The following IRS2 variants were observed in gnomAD, a reference collection of about 807,000 sequenced individuals.
IRS2 encodes the protein insulin receptor substrate 2.
A neutral mutation model predicts 70.9 loss-of-function variants in IRS2; 28 were observed. The ratio of observed to expected loss-of-function variants is 0.39; its 90% CI spans 0.29 to 0.54. IRS2 has a LOEUF of 0.54. Among genes scored for constraint, IRS2 ranks in the 20% least tolerant of loss-of-function variants. IRS2 has a pLI of 0.59. For missense variants in IRS2, 2,081 were observed against 2,024.1 expected, an observed-to-expected ratio of 1.03 and a Z score of -0.54; for synonymous variants, 1,217 against 981.9, an observed-to-expected ratio of 1.24 and a Z score of -4.48.
Position 109,785,604 on chromosome 13 carries a change from G to C in IRS2, c.450C>G (p.Ala150=), listed in dbSNP as rs1877897046. ...GCGCGGCGGCGGGGGGCGCGTCTCC[G>C]GCGGCCGCGCGGCCCTCGCTGACCA... ...TDLVSEGRAA[A]GDAPPAAAPA... is the part of the protein sequence containing the mutation. The change falls in exon 1 of 2, where the codon GCC becomes GCG. Residue 150 remains alanine (A), a synonymous_variant. Coordinates refer to ENST00000375856, the MANE Select transcript of IRS2 (RefSeq NM_003749.3). The surrounding 1 kb of genome is among the most constrained non-coding windows in gnomAD (Gnocchi z 9.3). The C allele has an allele frequency of 1.5e-6, 2 of 1,365,244 alleles. No homozygotes were observed. Among genetic ancestry groups the C allele is most frequent in the Non-Finnish European group, 1.9e-6 (2 of 1,053,998 alleles). 84.6% of individuals were successfully genotyped at this position (1,365,244 alleles called of 1,614,324 possible).
intron 1 of IRS2, among the ~76,000 whole-genome samples, chr13:109,762,498 G>A (rs1254627075): frequency 1.3e-5 from 2 of 152,186 alleles, no homozygotes; most frequent in Non-Finnish European, 2.9e-5. Context: ...GGGTGGGACA[G>A]GGCAGGAGCA....
chr13:109,782,670 G>T lies in IRS2; in HGVS notation c.3384C>A (p.Asp1128Glu), dbSNP rs780638362. Residue 1128 changes from aspartate (D) to glutamate (E), a missense_variant, in exon 1 of 2, where the codon GAC (aspartate) becomes GAA (glutamate). This residue lies in a region of IRS2 where 1,615 missense variants were observed against 1,459.5 expected (regional missense o/e 1.11). Transcript: ENST00000375856. The stretch of plus-strand genomic sequence containing the variant: ...GGATGACCTTGGCGCCGCGGTGGGG[G>T]TCCGGGGGCTGGCTGGCCTGCAGGA... ...EAFLQASQPP[D>E]PHRGAKVIRA... The T allele has an allele frequency of 6.4e-7, 1 of 1,573,096 alleles. No homozygotes were observed. Among genetic ancestry groups the T allele is most frequent in the Non-Finnish European group, 8.6e-7 (1 of 1,160,994 alleles).
At chr13:109,776,194 G>A (rs1023811204) in intron 1 of IRS2, among the ~76,000 whole-genome samples, 1 of 151,818 alleles carries the variant, frequency 6.6e-6, no homozygotes, top group Non-Finnish European at 1.5e-5. Flanking sequence ...GGTGCAATGC[G>A]TGTGATCAGT....
chr13:109,782,419 G>T lies in IRS2; in HGVS notation c.3635C>A (p.Pro1212His). The change falls in exon 1 of 2, where the codon CCT becomes CAT. Residue 1212 changes from proline to histidine, a missense_variant. Pro to His is a moderately conservative substitution (Grantham distance 77). This residue lies in a region of IRS2 where 1,615 missense variants were observed against 1,459.5 expected (regional missense o/e 1.11). Coordinates refer to ENST00000375856, the MANE Select transcript of IRS2 (RefSeq NM_003749.3). Reference sequence around the variant, plus strand: ...CCACGGCCGGCCCTGCGGTGCCAAAGGGGGCGCCGGCTGCAACTGTCGTGG... The same window carrying T: ...CCACGGCCGGCCCTGCGGTGCCAAATGGGGCGCCGGCTGCAACTGTCGTGG... The part of the protein sequence containing the change: ...TSPRQLQPAP[P>H]LAPQGRPWTP... The T allele has an allele frequency of 6.3e-7, 1 of 1,597,282 alleles. No individual in the cohort carries two copies. The highest frequency in any genetic ancestry group is 8.5e-7 in the Non-Finnish European group (1 of 1,171,970).
chr13:109,770,647 G>T (rs376207651), intron 1 of IRS2, among the ~76,000 whole-genome samples: 1 of 152,068 alleles, frequency 6.6e-6, no homozygotes, highest in African/African-American at 2.4e-5. Flanking sequence ...GATTGCCTGC[G>T]GGGTGGACAC....
intron 1 of IRS2, among the ~76,000 whole-genome samples, chr13:109,758,911 A>G (rs1877166740): frequency 6.6e-6 from 1 of 150,734 alleles, no homozygotes; most frequent in Admixed American, 6.6e-5. Flanking sequence ...AAGGGGAAGG[A>G]AAGAAAAAAA....
intron 1 of IRS2, among the ~76,000 whole-genome samples, chr13:109,771,143 G>A (rs1877443379): frequency 1.3e-5 from 2 of 152,138 alleles, no homozygotes; most frequent in Admixed American, 1.3e-4. Flanking sequence ...GCCCTTACAT[G>A]TAGAAGCTAC....
chr13:109,766,831 GTGACCCAC>G (rs1362244810), intron 1 of IRS2, among the ~76,000 whole-genome samples: 3 of 152,240 alleles, frequency 2.0e-5, no homozygotes, highest in African/African-American at 7.2e-5. Flanking sequence ...TCCCCTGCAT[GTGACCCAC>G]TGGCACTGAA....
intron 1 of IRS2, among the ~76,000 whole-genome samples, chr13:109,774,410 C>T (rs1370996369): frequency 2.0e-5 from 3 of 152,110 alleles, no homozygotes; most frequent in Non-Finnish European, 2.9e-5. Context: ...ATAAATAGAG[C>T]GCTTTCCTAC....
rs1877773713 is a variant in IRS2, at chr13:109,783,111, G to C, written c.2943C>G (p.Leu981=). ...QRSPLSDYMN[L]DFSSPKSPKP... ...TAGGAGACTTGGGGGAGCTGAAGTC[G>C]AGGTTCATGTAGTCGGAGAGCGGAG... is the stretch of plus-strand genomic sequence containing the variant. The change falls in exon 1 of 2, where the codon CTC becomes CTG. Residue 981 remains leucine (L), a synonymous_variant. Coordinates refer to ENST00000375856, the MANE Select transcript of IRS2 (RefSeq NM_003749.3). 1 of 1,391,604 alleles carries C rather than the reference G, an allele frequency of 7.2e-7. No homozygotes were observed. Among genetic ancestry groups the C allele is most frequent in the Middle Eastern group, 1.9e-4 (1 of 5,332 alleles). The allele number at this position is 1,391,604 out of a possible 1,614,324, so 86.2% of individuals were successfully genotyped here. A position where few individuals can be genotyped will look rare whatever the true frequency, so the allele number is the denominator to read the frequency against.
At chr13:109,769,838 G>C (rs1877413904) in intron 1 of IRS2, among the ~76,000 whole-genome samples, 1 of 152,228 alleles carries the variant, frequency 6.6e-6, no homozygotes, top group Non-Finnish European at 1.5e-5. Flanking sequence ...TGTCATCTTT[G>C]TAATGAAAAC....
intron 1 of IRS2, among the ~76,000 whole-genome samples, chr13:109,770,368 A>C (rs1318202411): frequency 6.6e-6 from 1 of 152,222 alleles, no homozygotes; most frequent in Non-Finnish European, 1.5e-5. Flanking sequence ...GTACCAGGAG[A>C]GCTTGGAGGC....
intron 1 of IRS2, among the ~76,000 whole-genome samples, chr13:109,777,249 C>T (rs561718994): frequency 2.3e-4 from 35 of 152,148 alleles, no homozygotes; most frequent in African/African-American, 7.2e-4. Flanking sequence ...CTGTGCTACT[C>T]CCCCTAGAAA....
At chr13:109,777,023 C>T (rs1213544173) in intron 1 of IRS2, among the ~76,000 whole-genome samples, 1 of 152,098 alleles carries the variant, frequency 6.6e-6, no homozygotes, top group African/African-American at 2.4e-5. Flanking sequence ...ACGTTTTGTT[C>T]ATCTTGTATA....
rs1380827800 is a variant in IRS2 at position 109,783,478 on chromosome 13, G to A, written c.2576C>T (p.Thr859Met). The stretch of plus-strand genomic sequence containing the variant: ...AGGCACTACAGGGTGAGGGGGCTGC[G>A]TGGGGCCGGCCCCGAAGGCGCTGGC... ...QAASAFGAGP[T>M]QPPHPVVPSP... is the part of the protein sequence containing the mutation. The change falls in exon 1 of 2, where the codon ACG becomes ATG. Residue 859 changes from threonine to methionine, a missense_variant. By Grantham distance (81) the Thr-to-Met change is moderately conservative. Coordinates refer to ENST00000375856, the MANE Select transcript of IRS2 (RefSeq NM_003749.3). 2 of 1,542,122 alleles carry A rather than the reference G, an allele frequency of 1.3e-6. No homozygotes were observed. The highest frequency in any genetic ancestry group is 1.7e-6 in the Non-Finnish European group (2 of 1,145,644).
intron 1 of IRS2, among the ~76,000 whole-genome samples, chr13:109,759,095 G>A (rs1297477264): frequency 6.6e-6 from 1 of 152,162 alleles, no homozygotes; most frequent in Non-Finnish European, 1.5e-5. Context: ...GCTGTGCAGC[G>A]TTTCACACAC....
At position 109,769,191 on chromosome 13, in the gene IRS2, C is replaced by G. The variant is rs143294172; in HGVS notation, c.4012+12851G>C. Among the ~76,000 whole-genome samples, 1,074 of 152,260 alleles carry G rather than the reference C, an allele frequency of 7.1e-3. 13 individuals are homozygous for G. Among genetic ancestry groups the G allele is most frequent in the African/African-American group, 0.024 (979 of 41,548 alleles). On this transcript the variant is annotated intron_variant, in intron 1 of 1. Transcript: ENST00000375856. ...GAAGAAATTCGAGTTGACGTATACTCTACCAAGTAACCACCACCACCCAGG... is the reference window on the plus strand; with the variant it reads ...GAAGAAATTCGAGTTGACGTATACTGTACCAAGTAACCACCACCACCCAGG...
In IRS2 at chr13:109,784,237, G is replaced by A. The variant is rs377510110; in HGVS notation, c.1817C>T (p.Ser606Leu). 442 of 1,574,838 alleles carry A rather than the reference G, an allele frequency of 2.8e-4. 4 individuals are homozygous for A. In the South Asian group the frequency reaches 3.0e-3, roughly 11 times the overall value. ...CGGGCAGAGGCGGCCCGCGCTGCCC[G>A]AGAAGGTGGCCCGCATCAGGGTGTA... ...DEYTLMRATF[S>L]GSAGRLCPSC... The change falls in exon 1 of 2, where the codon TCG becomes TTG. Residue 606 changes from serine (S) to leucine (L), a missense_variant. Ser to Leu is a moderately radical substitution (Grantham distance 145). Around this residue, in one of 4 missense-constraint regions of IRS2, gnomAD observed 1,615 missense variants for 1,459.5 expected, o/e 1.11. Transcript: ENST00000375856. The surrounding 1 kb of genome is among the most constrained non-coding windows in gnomAD (Gnocchi z 5.2).
chr13:109,765,475 G>A, intron 1 of IRS2, among the ~76,000 whole-genome samples: 1 of 144,488 alleles, frequency 6.9e-6, no homozygotes, highest in Admixed American at 7.0e-5. Flanking sequence ...AGATATCCCA[G>A]CCTCATCCAC....
Sources: gnomAD v4.1 joint callset for allele counts (sites outside exome capture counted in the v4.1 genomes callset) on GRCh38, gnomAD v4.1.1 for gene constraint, gnomAD v4.1.1 regional missense constraint, Gnocchi (gnomAD v3.1) non-coding constraint, MANE v1.5 for transcripts, NCBI Gene and HGNC (gene_info 2026-07-23, HGNC 2026-07-21) for gene names.